The following ARHGEF18 variants were observed in gnomAD, a reference collection of about 807,000 sequenced individuals.
ARHGEF18 encodes the protein Rho/Rac guanine nucleotide exchange factor 18.
A neutral mutation model predicts 155.7 loss-of-function variants in ARHGEF18; 93 were observed. That is an observed-to-expected ratio of 0.60 (90% CI 0.50 to 0.71). The LOEUF (loss-of-function observed/expected upper bound fraction) is 0.71, where lower values mean the gene tolerates loss of function less well. Among genes scored for constraint, ARHGEF18 ranks in the 30% least tolerant of loss-of-function variants. The pLI is 0.00. For missense variants in ARHGEF18, 1,593 were observed against 1,816.1 expected, an observed-to-expected ratio of 0.88 and a Z score of 2.23; for synonymous variants, 742 against 753.1, an observed-to-expected ratio of 0.99 and a Z score of 0.24.
intron 10 of ARHGEF18, among the ~76,000 whole-genome samples, chr19:7,391,741 T>A (rs1971411242): frequency 6.6e-6 from 1 of 151,978 alleles, no homozygotes; most frequent in Non-Finnish European, 1.5e-5. Context: ...GGCATTTTTT[T>A]CAGGACCAGG....
chr19:7,440,459 G>T lies in ARHGEF18; in HGVS notation c.1083G>T (p.Pro361=). The T allele has an allele frequency of 1.3e-6, 2 of 1,599,504 alleles. No individual in the cohort carries two copies. Among genetic ancestry groups the T allele is most frequent in the East Asian group, 2.2e-5 (1 of 44,858 alleles). ...GGGGTCCCCAGCCAACACCGAGCCC[G>T]GCTGGCCCTGGGACGCAACTCGGGT... ...QKGGPQPTPS[P]AGPGTQLGPI... is the part of the protein sequence containing the mutation. Residue 361 remains proline, a synonymous_variant, in exon 11 of 29, where the codon CCG becomes CCT. Coordinates refer to ENST00000668164, the MANE Select transcript of ARHGEF18 (RefSeq NM_001367823.1). The surrounding 1 kb of genome is among the most constrained non-coding windows in gnomAD (Gnocchi z 5.4).
downstream of ARHGEF18, among the ~76,000 whole-genome samples, chr19:7,476,269 A>G (rs1488269045): frequency 1.3e-5 from 2 of 152,202 alleles, no homozygotes; most frequent in Non-Finnish European, 2.9e-5. Context: ...CTATGATCGC[A>G]CCACTGCACT....
At chr19:7,447,786 G>A (rs151134929) in intron 15 of ARHGEF18, among the ~76,000 whole-genome samples, 104 of 152,048 alleles carry the variant, frequency 6.8e-4, no homozygotes, top group East Asian at 5.3e-3. Context: ...TTGAGGCCAG[G>A]AGTTCGAGAC....
chr19:7,438,011 C>CTCCCCTCCCT (rs1974372311), intron 10 of ARHGEF18, among the ~76,000 whole-genome samples: 2 of 127,970 alleles, frequency 1.6e-5, no homozygotes, highest in Non-Finnish European at 3.3e-5. Flanking sequence ...CTCCCCTCCC[C>CTCCCCTCCCT]TCCCCTCCCT....
rs1379775760 is a variant in ARHGEF18, at chr19:7,468,840, C to T, written c.3496C>T (p.His1166Tyr). 2 of 1,559,986 alleles carry T rather than the reference C, an allele frequency of 1.3e-6. No homozygotes were observed. The highest frequency in any genetic ancestry group is 1.8e-5 in the Admixed American group (1 of 54,430). ...DTLAEAQPPS[H>Y]PPSFNGEGLE... ...GTCCCCTCAGGCCCAGCCCCCAAGC[C>T]ACCCTCCCAGCTTCAACGGGGAAGG... The change falls in exon 27 of 29, where the codon CAC (histidine) becomes TAC (tyrosine). Residue 1166 changes from histidine to tyrosine, a missense_variant. His to Tyr is a moderately conservative substitution (Grantham distance 83, BLOSUM62 2). Transcript: ENST00000668164.
intron 5 of ARHGEF18, 76 bp downstream of exon 5, chr19:7,376,833 T>C (rs1388274299): frequency 9.7e-7 from 1 of 1,031,028 alleles, no homozygotes; most frequent in Non-Finnish European, 1.2e-6. Context: ...TGAAACCCTG[T>C]TGGGGTTTCA....
At position 7,463,753 on chromosome 19, in the gene ARHGEF18, G is replaced by A. The variant is rs975487409; in HGVS notation, c.2636-65G>A. 1.7e-5 allele frequency: 25 copies of A among 1,499,024 alleles called. No homozygotes were observed. The highest frequency in any genetic ancestry group is 6.6e-5 in the Admixed American group (3 of 45,738). 92.9% of individuals were successfully genotyped at this position (1,499,024 alleles called of 1,614,324 possible). On this transcript the variant is annotated intron_variant, in intron 21 of 28. Transcript: ENST00000668164. The surrounding 1 kb of genome is among the most constrained non-coding windows in gnomAD (Gnocchi z 5.2). ...TCCACCCGGGTCTCGCTGCCCCAGC[G>A]CTCCGTATTCCCCCAGCACACTTCC...
chr19:7,420,550 G>A (rs189764698), intron 10 of ARHGEF18, among the ~76,000 whole-genome samples: 25 of 152,334 alleles, frequency 1.6e-4, no homozygotes, highest in African/African-American at 5.8e-4. Context: ...CCCACGCCGG[G>A]CCTGTTTTGC....
At chr19:7,465,948 G>T (rs1461364413) in intron 23 of ARHGEF18, among the ~76,000 whole-genome samples, 1 of 152,010 alleles carries the variant, frequency 6.6e-6, no homozygotes, top group Non-Finnish European at 1.5e-5. Flanking sequence ...GCTGGACGTG[G>T]TGGTGGATAC....
rs890598932 is a variant in ARHGEF18 at position 7,405,866 on chromosome 19, G to T, written c.967+22663G>T. Among the ~76,000 whole-genome samples the T allele has an allele frequency of 2.7e-5, 4 of 148,228 alleles. No individual in the cohort carries two copies. In the East Asian group the frequency reaches 5.9e-4, roughly 22 times the overall value. ...TAAACTCTTGGGCTCAAGGGATCCT[G>T]CTTCAGCCTCCCAAAACACCGGGAT... On this transcript the variant is annotated intron_variant, in intron 10 of 28. Coordinates refer to ENST00000668164, the MANE Select transcript of ARHGEF18 (RefSeq NM_001367823.1).
Position 7,462,055 on chromosome 19 carries a change from C to A in ARHGEF18, c.2453-97C>A. 1.4e-6 allele frequency: 2 copies of A among 1,461,138 alleles called. No homozygotes were observed. Among genetic ancestry groups the A allele is most frequent in the Non-Finnish European group, 1.9e-6 (2 of 1,051,950 alleles). 90.5% of individuals were successfully genotyped at this position (1,461,138 alleles called of 1,614,324 possible). On this transcript the variant is annotated intron_variant, in intron 20 of 28. Coordinates refer to ENST00000668164, the MANE Select transcript of ARHGEF18 (RefSeq NM_001367823.1). This position sits in a 1 kb window ranked among gnomAD's most constrained non-coding sequence, Gnocchi z 4.4. The stretch of plus-strand genomic sequence containing the variant: ...GGGGGCAGCCTACCTCAGGGCAGGG[C>A]CAGCGGGGTTCCTCATCCTTAGGCC...
At position 7,389,377 on chromosome 19, in the gene ARHGEF18, C is replaced by T. The variant is rs1359207140; in HGVS notation, c.967+6174C>T. On this transcript the variant is annotated intron_variant, in intron 10 of 28. Transcript: ENST00000668164. ...GTTTTGTCACATTGCCCAAGTTGGT[C>T]TTGAACTCCTGGGCTCAAGCGATCC... 1.0e-4 allele frequency among the ~76,000 whole-genome samples: 12 copies of T among 119,010 alleles called. 1 individual carries two copies. Among genetic ancestry groups the T allele is most frequent in the Non-Finnish European group, 2.0e-4 (12 of 60,102 alleles). 78.1% of individuals were successfully genotyped at this position (119,010 alleles called of 152,430 possible). A position where few individuals can be genotyped will look rare whatever the true frequency, so the allele number is the denominator to read the frequency against.
the ARHGEF18 span, chr19:7,478,197 C>T: frequency 3.6e-6 from 4 of 1,125,848 alleles, no homozygotes; most frequent in Admixed American, 6.3e-5. Context: ...TGATGACTCC[C>T]CCATGACCTG....
chr19:7,479,916 G>A, the ARHGEF18 span, among the ~76,000 whole-genome samples: 1 of 152,244 alleles, frequency 6.6e-6, no homozygotes, highest in South Asian at 2.1e-4. Flanking sequence ...GGGTATATGG[G>A]AGCTCTCTGA....
downstream of ARHGEF18, chr19:7,477,430 C>A: frequency 6.9e-7 from 1 of 1,447,168 alleles, no homozygotes; most frequent in Non-Finnish European, 9.1e-7. Context: ...TGCCCCGGGG[C>A]AGCGGGCTGT....
chr19:7,410,982 G>A (rs1166258184), intron 10 of ARHGEF18, among the ~76,000 whole-genome samples: 1 of 152,014 alleles, frequency 6.6e-6, no homozygotes. Flanking sequence ...CCTGTACCCA[G>A]TGTCAAGAGA....
At chr19:7,442,778 C>A (rs115761898) in intron 13 of ARHGEF18, among the ~76,000 whole-genome samples, 1 of 152,172 alleles carries the variant, frequency 6.6e-6, no homozygotes, top group African/African-American at 2.4e-5. Flanking sequence ...GAGGCTGGGA[C>A]GTCTAAGACC....
rs1395928290 is a variant in ARHGEF18, at chr19:7,364,365, A to G, written c.15+1460A>G. ...GAAGAAAGGAAGGAAGGAGGGAAGG[A>G]AAGGAAGGAAGGAAGGAAGGAAGGA... is the stretch of plus-strand genomic sequence containing the variant. On this transcript the variant is annotated intron_variant, in intron 2 of 28. Coordinates refer to ENST00000668164, the MANE Select transcript of ARHGEF18 (RefSeq NM_001367823.1). 7.1e-5 allele frequency among the ~76,000 whole-genome samples: 8 copies of G among 112,938 alleles called. No individual in the cohort carries two copies. The East Asian group carries it at 8.3e-4, about 12-fold the overall frequency. The allele number at this position is 112,938 out of a possible 152,430, so 74.1% of individuals were successfully genotyped here. A position where few individuals can be genotyped will look rare whatever the true frequency, so the allele number is the denominator to read the frequency against.
chr19:7,468,757 C>T (rs1976821423), intron 26 of ARHGEF18, 68 bp from the exon 27 acceptor site: 2 of 1,458,464 alleles, frequency 1.4e-6, no homozygotes, highest in African/African-American at 1.4e-5. Context: ...GTGCACGACC[C>T]TCGGGGGCTC....
Sources: allele counts gnomAD v4.1 joint callset (sites outside exome capture counted in the v4.1 genomes callset), GRCh38; gene constraint gnomAD v4.1.1; non-coding constraint Gnocchi (gnomAD v3.1); transcripts MANE v1.5; gene names NCBI Gene and HGNC (gene_info 2026-07-23, HGNC 2026-07-21).